Variants in PCBD2 observed in about 807,000 individuals in gnomAD.
PCBD2 encodes pterin-4 alpha-carbinolamine dehydratase 2.
PCBD2 carries 12 observed loss-of-function variants against 16.4 expected under a neutral mutation model. That is an observed-to-expected ratio of 0.73 (90% CI 0.47 to 1.19). The LOEUF (loss-of-function observed/expected upper bound fraction) is 1.19. Ranked by LOEUF, PCBD2 falls within the 50% of genes most tolerant of loss-of-function variation. The pLI, the probability that PCBD2 is intolerant of heterozygous loss-of-function variation, is 0.00. For synonymous variants in PCBD2, 58 were observed against 61.8 expected, an observed-to-expected ratio of 0.94 and a Z score of 0.29; for missense variants, 138 against 156.8, an observed-to-expected ratio of 0.88 and a Z score of 0.64.
At chr5:134,947,413 A>G (rs1184846764) in intron 2 of PCBD2, among the ~76,000 whole-genome samples, 2 of 41,364 alleles carry the variant, frequency 4.8e-5, no homozygotes, top group Non-Finnish European at 9.0e-5. Flanking sequence ...TTTTTTTTTG[A>G]GACGGAGTCT....
At chr5:134,926,780 G>T in intron 2 of PCBD2, 2 of 397,892 alleles carry the variant, frequency 5.0e-6, no homozygotes, top group South Asian at 2.6e-4. Context: ...TGTGGTGGCT[G>T]AGCGAGCCTC....
At chr5:134,940,687 G>C (rs1310365847) in intron 2 of PCBD2, among the ~76,000 whole-genome samples, 2 of 152,190 alleles carry the variant, frequency 1.3e-5, no homozygotes, top group East Asian at 1.9e-4. Flanking sequence ...AAAGATAGAA[G>C]TGAATGAAGC....
At chr5:134,924,565 A>C (rs1007424822) in intron 2 of PCBD2, 3 of 398,706 alleles carry the variant, frequency 7.5e-6, no homozygotes, top group Non-Finnish European at 1.3e-5. Context: ...TTGTATGATT[A>C]TGGGCGTTGA....
At chr5:134,918,730 C>T (rs1344612401) in intron 2 of PCBD2, among the ~76,000 whole-genome samples, 2 of 152,130 alleles carry the variant, frequency 1.3e-5, no homozygotes, top group East Asian at 3.9e-4. Context: ...TTTTAGCAAA[C>T]TTTACCTAAA....
At position 134,961,885 on chromosome 5, in the gene PCBD2, C is replaced by T. The variant is rs1751482371; in HGVS notation, c.*1204C>T. Among the ~76,000 whole-genome samples the T allele has an allele frequency of 6.6e-6, 1 of 151,994 alleles. No homozygotes were observed. Among genetic ancestry groups the T allele is most frequent in the Non-Finnish European group, 1.5e-5 (1 of 68,016 alleles). On this transcript the variant is annotated 3_prime_UTR_variant, in exon 4 of 4. Transcript: ENST00000254908. ...CAAGCAGTTCTCCCTCCTCAGCCTC[C>T]AGAGTAGCTGGGACTATAGGCAAGT...
intron 2 of PCBD2, chr5:134,923,794 C>T (rs1351687828): frequency 5.1e-6 from 2 of 393,402 alleles, no homozygotes; most frequent in Non-Finnish European, 9.0e-6. Flanking sequence ...ATTGAGGCGC[C>T]ATTGGCGTGA....
rs1309149872 is a variant in PCBD2 at position 134,960,727 on chromosome 5, A to G, written c.*46A>G. 4 of 1,421,298 alleles carry G rather than the reference A, an allele frequency of 2.8e-6. No individual in the cohort carries two copies. The highest frequency in any genetic ancestry group is 1.8e-5 in the Admixed American group (1 of 56,900). 88.0% of individuals were successfully genotyped at this position (1,421,298 alleles called of 1,614,324 possible). The stretch of plus-strand genomic sequence containing the variant: ...AAATCTTGTACACATCTTAGCTGCA[A>G]TGTATGTTGAAGGAAATTTATGTGA... On this transcript the variant is annotated 3_prime_UTR_variant, in exon 4 of 4. Coordinates refer to ENST00000254908, the MANE Select transcript of PCBD2 (RefSeq NM_032151.5).
chr5:134,906,574 C>T (rs560508744), intron 1 of PCBD2, among the ~76,000 whole-genome samples: 1 of 152,266 alleles, frequency 6.6e-6, no homozygotes, highest in South Asian at 2.1e-4. Flanking sequence ...CTACTGTCAC[C>T]TAGGCGTGTC....
At chr5:134,905,998 G>T (rs1383492315) in intron 1 of PCBD2, among the ~76,000 whole-genome samples, 1 of 151,506 alleles carries the variant, frequency 6.6e-6, no homozygotes, top group Non-Finnish European at 1.5e-5. Context: ...TCACCCTCCC[G>T]AGTAGCTGCG....
At chr5:134,914,602 C>T (rs1406753641) in intron 2 of PCBD2, among the ~76,000 whole-genome samples, 1 of 151,556 alleles carries the variant, frequency 6.6e-6, no homozygotes, top group South Asian at 2.1e-4. Context: ...CTTGGAGTCT[C>T]GGCAGGGTAG....
intron 2 of PCBD2, among the ~76,000 whole-genome samples, chr5:134,946,006 ACTTTC>A (rs139431114): frequency 0.013 from 1,941 of 152,138 alleles, 34 homozygotes; most frequent in African/African-American, 0.045. Flanking sequence ...TGCTAAGCTT[ACTTTC>A]CTTTCTTTGT....
intron 2 of PCBD2, among the ~76,000 whole-genome samples, chr5:134,953,565 C>A (rs1021071782): frequency 6.6e-6 from 1 of 152,030 alleles, no homozygotes; most frequent in African/African-American, 2.4e-5. Flanking sequence ...AAGGCCGAGG[C>A]GGGCGGATCA....
intron 2 of PCBD2, among the ~76,000 whole-genome samples, chr5:134,929,516 T>C (rs1247393315): frequency 6.6e-6 from 1 of 152,076 alleles, no homozygotes; most frequent in African/African-American, 2.4e-5. Flanking sequence ...TCAGTGACCG[T>C]AGCAAAGTTG....
chr5:134,925,745 C>T (rs1174575866), intron 2 of PCBD2: 3 of 396,200 alleles, frequency 7.6e-6, no homozygotes, highest in African/African-American at 4.1e-5. Flanking sequence ...GGGGTGGGGC[C>T]TTCTATGGCT....
intron 2 of PCBD2, chr5:134,927,939 A>G: frequency 2.5e-6 from 1 of 396,944 alleles, no homozygotes; most frequent in Admixed American, 4.4e-5. Flanking sequence ...GGTGCTAATA[A>G]TTAGGCTGTG....
intron 2 of PCBD2, among the ~76,000 whole-genome samples, chr5:134,955,932 C>T (rs1041632792): frequency 6.6e-6 from 1 of 152,178 alleles, no homozygotes; most frequent in African/African-American, 2.4e-5. Flanking sequence ...CATTGTATTC[C>T]AGATAATCAA....
Position 134,962,389 on chromosome 5 carries a change from A to G in PCBD2, c.*1708A>G, listed in dbSNP as rs1205395528. On this transcript the variant is annotated 3_prime_UTR_variant, in exon 4 of 4. Coordinates refer to ENST00000254908, the MANE Select transcript of PCBD2 (RefSeq NM_032151.5). ...GATTACAGGTGTGAGCCACTGTGTC[A>G]TAACAATTATTTTAAAATTTTTATT... Among the ~76,000 whole-genome samples, 3 of 151,910 alleles carry G rather than the reference A, an allele frequency of 2.0e-5. No individual in the cohort carries two copies. Among genetic ancestry groups the G allele is most frequent in the Admixed American group, 6.6e-5 (1 of 15,246 alleles).
At chr5:134,935,153 G>A (rs1160247389) in intron 2 of PCBD2, among the ~76,000 whole-genome samples, 1 of 152,196 alleles carries the variant, frequency 6.6e-6, no homozygotes, top group African/African-American at 2.4e-5. Context: ...TTGGATTCAG[G>A]TGTAGCTTAT....
chr5:134,946,338 G>A (rs1448659757), intron 2 of PCBD2, among the ~76,000 whole-genome samples: 2 of 152,134 alleles, frequency 1.3e-5, no homozygotes, highest in Admixed American at 6.5e-5. Context: ...GACAACTTAT[G>A]AGACGGTTTC....
Sources: gnomAD v4.1 joint callset for allele counts (sites outside exome capture counted in the v4.1 genomes callset) on GRCh38, gnomAD v4.1.1 for gene constraint, MANE v1.5 for transcripts, NCBI Gene and HGNC (gene_info 2026-07-23, HGNC 2026-07-21) for gene names.